COL19A1: variants seen among roughly 807,000 people sequenced by gnomAD.
The protein encoded by COL19A1 is collagen alpha-1(XIX) chain.
Under a neutral mutation model 190.2 loss-of-function variants are expected in COL19A1, and 159 were observed. That is an observed-to-expected ratio of 0.84 (90% CI 0.73 to 0.95). The LOEUF (loss-of-function observed/expected upper bound fraction) is 0.95, where lower values mean the gene tolerates loss of function less well. Ranked by LOEUF, COL19A1 falls within the 40% of genes least tolerant of loss-of-function variation. COL19A1 has a pLI of 0.00. For missense variants in COL19A1, 1,418 were observed against 1,431.9 expected, an observed-to-expected ratio of 0.99 and a Z score of 0.16; for synonymous variants, 509 against 458.9, an observed-to-expected ratio of 1.11 and a Z score of -1.39.
chr6:70,043,944 T>A (rs987913239), intron 14 of COL19A1, among the ~76,000 whole-genome samples: 8 of 152,254 alleles, frequency 5.3e-5, no homozygotes, highest in African/African-American at 1.9e-4. Context: ...AAGTCTTAGA[T>A]GGCATCTTAA....
At chr6:70,074,695 T>C (rs931247874) in intron 15 of COL19A1, among the ~76,000 whole-genome samples, 3 of 151,476 alleles carry the variant, frequency 2.0e-5, no homozygotes, top group East Asian at 1.9e-4. Context: ...AGGAGTCTTA[T>C]AGAGAAAAGA....
At chr6:69,988,511 A>C (rs1158979083) in intron 11 of COL19A1, among the ~76,000 whole-genome samples, 1 of 152,204 alleles carries the variant, frequency 6.6e-6, no homozygotes, top group Non-Finnish European at 1.5e-5. Flanking sequence ...CTATACCGGA[A>C]TCATTTGGGA....
At chr6:70,007,256 A>C (rs1777691409) in intron 11 of COL19A1, among the ~76,000 whole-genome samples, 1 of 152,266 alleles carries the variant, frequency 6.6e-6, no homozygotes, top group South Asian at 2.1e-4. Flanking sequence ...AAATGTGAAC[A>C]GAATAAATAC....
At chr6:70,134,470 T>C (rs1205352922) in intron 18 of COL19A1, among the ~76,000 whole-genome samples, 1 of 152,168 alleles carries the variant, frequency 6.6e-6, no homozygotes, top group Non-Finnish European at 1.5e-5. Context: ...AAAAGGCACA[T>C]TGAATATTTA....
At position 70,209,216 on chromosome 6, in the gene COL19A1, C is replaced by G. The variant is rs1768054541; in HGVS notation, c.*1942C>G. The G allele has an allele frequency of 6.6e-6, 1 of 152,482 alleles. No individual in the cohort carries two copies. Among genetic ancestry groups the G allele is most frequent in the Non-Finnish European group, 1.5e-5 (1 of 68,008 alleles). The allele number at this position is 152,482 out of a possible 1,614,324, so 9.4% of individuals were successfully genotyped here. A position where few individuals can be genotyped will look rare whatever the true frequency, so the allele number is the denominator to read the frequency against. The stretch of plus-strand genomic sequence containing the variant: ...TTGAGCTTTTAATTTGTTGAATTTT[C>G]TAAACGCTTACAACTTATCTGCCAC... On this transcript the variant is annotated 3_prime_UTR_variant, in exon 51 of 51. Coordinates refer to ENST00000620364, the MANE Select transcript of COL19A1 (RefSeq NM_001858.6).
At chr6:69,903,158 T>C (rs1436614222) in intron 4 of COL19A1, among the ~76,000 whole-genome samples, 2 of 152,196 alleles carry the variant, frequency 1.3e-5, no homozygotes, top group African/African-American at 2.4e-5. Context: ...TACACTGCCT[T>C]GAGTTCAACT....
intron 48 of COL19A1, among the ~76,000 whole-genome samples, chr6:70,190,616 A>G (rs1278400720): frequency 1.3e-5 from 2 of 152,212 alleles, no homozygotes; most frequent in African/African-American, 4.8e-5. Flanking sequence ...ACACAGGTAA[A>G]GTACCTGCTT....
chr6:70,079,655 C>T (rs530978323), intron 15 of COL19A1, among the ~76,000 whole-genome samples: 8 of 152,156 alleles, frequency 5.3e-5, no homozygotes, highest in Admixed American at 2.6e-4. Context: ...TGAGAAAAAG[C>T]CATTGGTGAT....
At chr6:69,880,515 A>AT (rs1310359000) in intron 2 of COL19A1, among the ~76,000 whole-genome samples, 16 of 152,154 alleles carry the variant, frequency 1.1e-4, no homozygotes, top group African/African-American at 3.6e-4. Context: ...TTTTTCAATA[A>AT]TTTTTGCTAA....
At chr6:70,147,360 T>A (rs903353974) in intron 27 of COL19A1, among the ~76,000 whole-genome samples, 1 of 152,038 alleles carries the variant, frequency 6.6e-6, no homozygotes, top group African/African-American at 2.4e-5. Context: ...TAAAAATAAA[T>A]AATGAGAAGT....
At chr6:70,171,284 T>C (rs1023897071) in intron 40 of COL19A1, among the ~76,000 whole-genome samples, 3 of 152,172 alleles carry the variant, frequency 2.0e-5, no homozygotes, top group African/African-American at 7.2e-5. Context: ...CTTTTTTTGT[T>C]CAGAGTTAGC....
intron 15 of COL19A1, among the ~76,000 whole-genome samples, chr6:70,098,881 C>A (rs1783447955): frequency 6.6e-6 from 1 of 151,650 alleles, no homozygotes; most frequent in South Asian, 2.1e-4. Flanking sequence ...GAGAGAAGAA[C>A]AATGATGTCT....
chr6:69,963,671 G>A (rs796684734), intron 11 of COL19A1, among the ~76,000 whole-genome samples: 1 of 152,204 alleles, frequency 6.6e-6, no homozygotes, highest in African/African-American at 2.4e-5. Flanking sequence ...CAGAGCAGGT[G>A]TATAAGGGTG....
intron 9 of COL19A1, among the ~76,000 whole-genome samples, chr6:69,938,424 T>C (rs987111789): frequency 2.6e-5 from 4 of 152,054 alleles, no homozygotes; most frequent in African/African-American, 9.7e-5. Flanking sequence ...CTTCCCCAAA[T>C]CCCTGTTGAA....
At chr6:69,867,122 C>A (rs1333384960) in intron 1 of COL19A1, among the ~76,000 whole-genome samples, 1 of 150,476 alleles carries the variant, frequency 6.6e-6, no homozygotes. Flanking sequence ...ACGGTGTTAG[C>A]CCTGGAAGCG....
intron 4 of COL19A1, among the ~76,000 whole-genome samples, chr6:69,920,639 TATTG>T (rs1322843067): frequency 6.6e-6 from 1 of 152,032 alleles, no homozygotes; most frequent in Non-Finnish European, 1.5e-5. Flanking sequence ...ATTGATTTTA[TATTG>T]AACATTTTGT....
intron 16 of COL19A1, among the ~76,000 whole-genome samples, chr6:70,106,462 T>A (rs1783975221): frequency 6.6e-6 from 1 of 152,166 alleles, no homozygotes; most frequent in Admixed American, 6.6e-5. Context: ...AAACTAACAT[T>A]ATTAAATTAT....
intron 18 of COL19A1, among the ~76,000 whole-genome samples, chr6:70,137,416 T>C (rs984793148): frequency 1.3e-5 from 2 of 152,186 alleles, no homozygotes; most frequent in Non-Finnish European, 2.9e-5. Flanking sequence ...TATTCTTTCC[T>C]GGAAAAATAA....
intron 16 of COL19A1, among the ~76,000 whole-genome samples, chr6:70,105,298 C>T (rs573286034): frequency 6.6e-6 from 1 of 152,128 alleles, no homozygotes; most frequent in African/African-American, 2.4e-5. Context: ...GCTGGGACTA[C>T]AGCTGCGCAC....
Sources: gnomAD v4.1 joint callset for allele counts (sites outside exome capture counted in the v4.1 genomes callset) on GRCh38, gnomAD v4.1.1 for gene constraint, MANE v1.5 for transcripts, NCBI Gene and HGNC (gene_info 2026-07-23, HGNC 2026-07-21) for gene names.